LRBA: variants seen among roughly 807,000 people sequenced by gnomAD.
LRBA encodes lipopolysaccharide-responsive and beige-like anchor protein.
Under a neutral mutation model 330.0 loss-of-function variants are expected in LRBA, and 176 were observed. The observed-to-expected ratio is 0.53, with a 90% CI of 0.47 to 0.60. The LOEUF (loss-of-function observed/expected upper bound fraction) is 0.60. Ranked by LOEUF, LRBA falls within the 20% of genes least tolerant of loss-of-function variation. The probability of loss-of-function intolerance (pLI) is 0.00; values close to 1 mark genes in which losing one functional copy is unlikely to be tolerated. For missense variants in LRBA, 3,259 were observed against 3,444.8 expected (o/e 0.95, Z 1.35); for synonymous variants, 1,230 against 1,193.0 (o/e 1.03, Z -0.64).
chr4:150,308,803 G>A (rs1730692419), intron 52 of LRBA, among the ~76,000 whole-genome samples: 1 of 152,082 alleles, frequency 6.6e-6, no homozygotes, highest in African/African-American at 2.4e-5. Context: ...TTGTACAGTT[G>A]TACAATGTGT....
At chr4:150,793,604 T>C (rs1245604615) in intron 34 of LRBA, among the ~76,000 whole-genome samples, 2 of 151,880 alleles carry the variant, frequency 1.3e-5, no homozygotes, top group Non-Finnish European at 2.9e-5. Context: ...GGGGATACAA[T>C]AGAAAAAAAA....
chr4:150,834,140 C>T (rs1747632264), intron 28 of LRBA, among the ~76,000 whole-genome samples: 1 of 152,178 alleles, frequency 6.6e-6, no homozygotes, highest in Admixed American at 6.6e-5. Context: ...TCATGAACTC[C>T]TAAAAGTCAT....
chr4:150,455,629 T>C (rs1166443768), intron 44 of LRBA, among the ~76,000 whole-genome samples: 1 of 152,162 alleles, frequency 6.6e-6, no homozygotes, highest in Non-Finnish European at 1.5e-5. Context: ...TAAAATCAAG[T>C]GTCTACCCCT....
intron 41 of LRBA, 40 bp downstream of exon 41, chr4:150,490,878 G>A (rs775128849): frequency 4.3e-6 from 5 of 1,166,654 alleles, no homozygotes; most frequent in Non-Finnish European, 3.8e-6. Context: ...TAAAGAGATG[G>A]AAGTTAGCTC....
intron 42 of LRBA, among the ~76,000 whole-genome samples, chr4:150,482,517 G>T (rs1757402525): frequency 6.6e-6 from 1 of 152,008 alleles, no homozygotes. Flanking sequence ...GTCATTGCAT[G>T]AACATATATT....
rs780139541 is a variant in LRBA at position 150,867,879 on chromosome 4, G to A, written c.2574-16C>T. The stretch of plus-strand genomic sequence containing the variant: ...TAGCAAGCTCCTGAAAATTATGAGA[G>A]GGTACTAAATTACTGAAGAAAAAAA... On this transcript the variant is annotated splice_polypyrimidine_tract_variant and intron_variant, in intron 21 of 56. Coordinates refer to ENST00000651943, the MANE Select transcript of LRBA (RefSeq NM_001364905.1). 6.3e-7 allele frequency: 1 copy of A among 1,585,870 alleles called. No homozygotes were observed. Among genetic ancestry groups the A allele is most frequent in the South Asian group, 1.2e-5 (1 of 86,084 alleles).
At chr4:150,500,955 G>C (rs1257221690) in intron 40 of LRBA, among the ~76,000 whole-genome samples, 1 of 152,132 alleles carries the variant, frequency 6.6e-6, no homozygotes, top group African/African-American at 2.4e-5. Flanking sequence ...TATTAAGCTT[G>C]TTTAGTTGGA....
chr4:150,862,122 C>T (rs549059114), intron 22 of LRBA, among the ~76,000 whole-genome samples: 9,059 of 152,162 alleles, frequency 0.06, 812 homozygotes, highest in African/African-American at 0.2. Context: ...GACAGTGTGG[C>T]AATTCCTCAA....
intron 2 of LRBA, among the ~76,000 whole-genome samples, chr4:151,003,390 C>T (rs1409030431): frequency 1.6e-4 from 10 of 61,176 alleles, no homozygotes; most frequent in East Asian, 9.8e-4. Flanking sequence ...GCATGAGATT[C>T]GGTTTCAAAA....
chr4:150,860,783 G>A (rs1206159356), intron 22 of LRBA, among the ~76,000 whole-genome samples: 1 of 151,794 alleles, frequency 6.6e-6, no homozygotes, highest in East Asian at 1.9e-4. Context: ...AGCCAAGATC[G>A]TGCCACAGGG....
intron 34 of LRBA, among the ~76,000 whole-genome samples, chr4:150,789,420 G>A (rs1481001497): frequency 6.6e-6 from 1 of 152,134 alleles, no homozygotes; most frequent in Non-Finnish European, 1.5e-5. Context: ...TGGAATGTTT[G>A]TGCAATTACT....
rs534283258 is a variant in LRBA, at chr4:150,877,729, A to C, written c.2166-4974T>G. Among the ~76,000 whole-genome samples, 9 of 152,342 alleles carry C rather than the reference A, an allele frequency of 5.9e-5. No individual in the cohort carries two copies. The East Asian group carries it at 1.7e-3, about 29-fold the overall frequency. On this transcript the variant is annotated intron_variant, in intron 17 of 56. Coordinates refer to ENST00000651943, the MANE Select transcript of LRBA (RefSeq NM_001364905.1). The stretch of plus-strand genomic sequence containing the variant: ...TCCACCCATCAGCCACAGGATACAC[A>C]TTCTTCTCATCTGCACACAAAACAT...
At chr4:150,586,666 A>G (rs1198792316) in intron 40 of LRBA, among the ~76,000 whole-genome samples, 2 of 152,170 alleles carry the variant, frequency 1.3e-5, no homozygotes, top group Non-Finnish European at 2.9e-5. Context: ...GAATCAGATC[A>G]GAGAGAGACA....
At chr4:150,646,855 T>C (rs1435524606) in intron 37 of LRBA, among the ~76,000 whole-genome samples, 1 of 152,120 alleles carries the variant, frequency 6.6e-6, no homozygotes. Context: ...TTCGGACTTT[T>C]GGATTAGGAA....
intron 47 of LRBA, among the ~76,000 whole-genome samples, chr4:150,381,968 T>C (rs1742333467): frequency 6.6e-6 from 1 of 152,238 alleles, no homozygotes. Context: ...TTGGGAGGAA[T>C]GTCTATTCAA....
intron 48 of LRBA, among the ~76,000 whole-genome samples, chr4:150,349,192 A>C (rs1298206204): frequency 6.6e-6 from 1 of 152,212 alleles, no homozygotes; most frequent in Non-Finnish European, 1.5e-5. Context: ...TAGAACTATA[A>C]AAGAATGCAT....
chr4:150,852,321 T>C lies in LRBA; in HGVS notation c.3389A>G (p.Gln1130Arg), dbSNP rs1750711792. The C allele has an allele frequency of 1.2e-6, 2 of 1,613,942 alleles. No homozygotes were observed. Among genetic ancestry groups the C allele is most frequent in the Admixed American group, 3.3e-5 (2 of 59,996 alleles). Reference sequence around the variant, plus strand: ...TGCAGCTGGAGACAAACTGTTATCTTGGAGCTCTGTGGGTAGATTAGCTTC... The same window carrying C: ...TGCAGCTGGAGACAAACTGTTATCTCGGAGCTCTGTGGGTAGATTAGCTTC... ...TEEANLPTELQDNSLSPAASE... is the reference protein window; with the variant it reads ...TEEANLPTELRDNSLSPAASE... Residue 1130 changes from glutamine (Q) to arginine (R), a missense_variant, in exon 23 of 57, where the codon CAA (glutamine) becomes CGA (arginine). Coordinates refer to ENST00000651943, the MANE Select transcript of LRBA (RefSeq NM_001364905.1).
intron 49 of LRBA, 48 bp downstream of exon 49, chr4:150,325,761 G>T: frequency 8.3e-7 from 1 of 1,204,572 alleles, no homozygotes; most frequent in Non-Finnish European, 1.2e-6. Flanking sequence ...AATATCAAGC[G>T]GATCTGAAGG....
At chr4:150,567,465 A>G (rs1480107762) in intron 40 of LRBA, among the ~76,000 whole-genome samples, 1 of 152,170 alleles carries the variant, frequency 6.6e-6, no homozygotes, top group Non-Finnish European at 1.5e-5. Flanking sequence ...TAAAAAAAGG[A>G]CAATGGCACT....
Sources: gnomAD v4.1 joint callset for allele counts (sites outside exome capture counted in the v4.1 genomes callset) on GRCh38, gnomAD v4.1.1 for gene constraint, MANE v1.5 for transcripts, NCBI Gene and HGNC (gene_info 2026-07-23, HGNC 2026-07-21) for gene names.